Variants in LPP observed in about 807,000 individuals in gnomAD.
The protein encoded by LPP is LIM domain containing preferred translocation partner in lipoma, also known as lipoma-preferred partner.
LPP carries 38 observed loss-of-function variants against 60.4 expected under a neutral mutation model. The ratio of observed to expected loss-of-function variants is 0.63; its 90% confidence interval spans 0.49 to 0.83. LPP has a LOEUF of 0.83. LPP is among the 40% of genes least tolerant of loss of function. The probability of loss-of-function intolerance (pLI) is 0.00; values close to 1 mark genes in which losing one functional copy is unlikely to be tolerated. For synonymous variants in LPP, 328 were observed against 290.8 expected, an observed-to-expected ratio of 1.13 and a Z score of -1.30; for missense variants, 902 against 783.6, an observed-to-expected ratio of 1.15 and a Z score of -1.80.
rs1738069680 is a variant in LPP, at chr3:188,272,383, CAG to C, written c.-67+46858_-67+46859del. Among the ~76,000 whole-genome samples, 3 of 152,314 alleles carry C rather than the reference CAG, an allele frequency of 2.0e-5. No individual in the cohort carries two copies. In the South Asian group the frequency reaches 6.2e-4, roughly 32 times the overall value. The stretch of plus-strand genomic sequence containing the variant: ...TCTTTAACGGCAAACAGAACAAAAA[CAG>C]AATCCTCTTTGTGGGTGCCTGCTCA... On this transcript the variant is annotated intron_variant, in intron 2 of 11. Coordinates refer to ENST00000617246, the MANE Select transcript of LPP (RefSeq NM_001375462.1).
At chr3:188,292,976 A>G (rs1200536507) in intron 2 of LPP, among the ~76,000 whole-genome samples, 1 of 152,156 alleles carries the variant, frequency 6.6e-6, no homozygotes, top group Non-Finnish European at 1.5e-5. Flanking sequence ...CTACTGTGTA[A>G]TAATTAGCTC....
intron 2 of LPP, among the ~76,000 whole-genome samples, chr3:188,249,170 G>A (rs767886885): frequency 2.6e-5 from 4 of 152,174 alleles, no homozygotes; most frequent in Non-Finnish European, 5.9e-5. Context: ...AGGCCGAGCA[G>A]GGAGGATAGC....
At chr3:188,281,701 C>T (rs1742131178) in intron 2 of LPP, among the ~76,000 whole-genome samples, 1 of 149,266 alleles carries the variant, frequency 6.7e-6, no homozygotes, top group Admixed American at 6.7e-5. Flanking sequence ...ACTTTCCAAA[C>T]TCCTTTCTCC....
chr3:188,732,067 CTTTCG>C, intron 8 of LPP, among the ~76,000 whole-genome samples: 1 of 152,178 alleles, frequency 6.6e-6, no homozygotes, highest in Non-Finnish European at 1.5e-5. Context: ...CTTGCGTAGT[CTTTCG>C]TTTCCTGAGA....
chr3:188,360,896 C>T (rs1313153938), intron 3 of LPP, among the ~76,000 whole-genome samples: 1 of 152,162 alleles, frequency 6.6e-6, no homozygotes, highest in Non-Finnish European at 1.5e-5. Context: ...TTTCCTTGTA[C>T]TGCAGAAGCT....
intron 9 of LPP, among the ~76,000 whole-genome samples, chr3:188,832,937 G>A (rs1005057216): frequency 2.6e-5 from 4 of 152,206 alleles, no homozygotes; most frequent in Non-Finnish European, 5.9e-5. Flanking sequence ...GGAGGAAAAT[G>A]TATCTGGCAA....
intron 2 of LPP, among the ~76,000 whole-genome samples, chr3:188,278,708 C>T (rs753491151): frequency 3.9e-5 from 6 of 151,934 alleles, no homozygotes; most frequent in Admixed American, 2.0e-4. Context: ...TAATACAATA[C>T]GTTATAATAA....
At chr3:188,480,931 T>C (rs554951785) in intron 4 of LPP, among the ~76,000 whole-genome samples, 117 of 152,242 alleles carry the variant, frequency 7.7e-4, no homozygotes, top group Non-Finnish European at 1.4e-3. Flanking sequence ...TTCAGAAATC[T>C]ATTAGAATGG....
intron 8 of LPP, among the ~76,000 whole-genome samples, chr3:188,730,228 T>A (rs1286103508): frequency 6.6e-6 from 1 of 152,216 alleles, no homozygotes; most frequent in Non-Finnish European, 1.5e-5. Flanking sequence ...AGGTTGTATG[T>A]GTTTACCATG....
intron 2 of LPP, among the ~76,000 whole-genome samples, chr3:188,315,664 CTGTT>C (rs1754821363): frequency 6.6e-6 from 1 of 152,072 alleles, no homozygotes; most frequent in South Asian, 2.1e-4. Flanking sequence ...GGAACCTTGT[CTGTT>C]TATTTATTTT....
intron 2 of LPP, among the ~76,000 whole-genome samples, chr3:188,307,925 G>A (rs754364220): frequency 1.3e-5 from 2 of 152,132 alleles, no homozygotes; most frequent in Non-Finnish European, 2.9e-5. Context: ...TCCATTCTGT[G>A]CTCTGGGGTG....
chr3:188,593,253 T>G (rs574332018), intron 6 of LPP, among the ~76,000 whole-genome samples: 3 of 152,106 alleles, frequency 2.0e-5, no homozygotes, highest in African/African-American at 7.2e-5. Flanking sequence ...ATCATGTTCC[T>G]TTATTTCTAT....
At chr3:188,811,820 GTTTTC>G (rs1170392762) in intron 9 of LPP, among the ~76,000 whole-genome samples, 1 of 152,002 alleles carries the variant, frequency 6.6e-6, no homozygotes, top group African/African-American at 2.4e-5. Flanking sequence ...TGCTTTTGTT[GTTTTC>G]TTTTTCTTTA....
chr3:188,826,067 A>G (rs552083944), intron 9 of LPP, among the ~76,000 whole-genome samples: 4 of 152,052 alleles, frequency 2.6e-5, no homozygotes, highest in South Asian at 2.1e-4. Flanking sequence ...TACTCTATGT[A>G]GAGTACAACT....
intron 2 of LPP, among the ~76,000 whole-genome samples, chr3:188,276,894 C>CTTTTTTTTTTTTTTT (rs1203656488): frequency 5.2e-5 from 2 of 38,224 alleles, no homozygotes; most frequent in East Asian, 6.1e-4. Context: ...CTTTTCTTTT[C>CTTTTTTTTTTTTTTT]TTTTTTTTTT....
At chr3:188,745,758 T>C (rs1725954095) in intron 8 of LPP, among the ~76,000 whole-genome samples, 1 of 152,088 alleles carries the variant, frequency 6.6e-6, no homozygotes, top group Non-Finnish European at 1.5e-5. Flanking sequence ...CAATCACCAC[T>C]CCCCTTCGTT....
At chr3:188,453,614 T>C (rs541142700) in intron 4 of LPP, among the ~76,000 whole-genome samples, 1 of 152,122 alleles carries the variant, frequency 6.6e-6, no homozygotes, top group South Asian at 2.1e-4. Flanking sequence ...ACACCATGCT[T>C]TCCTTCCTCT....
intron 5 of LPP, among the ~76,000 whole-genome samples, chr3:188,505,984 TC>T (rs1442385592): frequency 6.6e-6 from 1 of 152,226 alleles, no homozygotes; most frequent in Admixed American, 6.5e-5. Context: ...CAGTCCTTGC[TC>T]TTTTGAAGCT....
chr3:188,540,311 T>C (rs1039582453), intron 6 of LPP, among the ~76,000 whole-genome samples: 1 of 152,214 alleles, frequency 6.6e-6, no homozygotes, highest in African/African-American at 2.4e-5. Context: ...TCTTTGCTTT[T>C]GTTATTTCAC....
Sources: gnomAD v4.1 joint callset for allele counts (sites outside exome capture counted in the v4.1 genomes callset) on GRCh38, gnomAD v4.1.1 for gene constraint, MANE v1.5 for transcripts, NCBI Gene and HGNC (gene_info 2026-07-23, HGNC 2026-07-21) for gene names.